PRKCA: variants seen among roughly 807,000 people sequenced by gnomAD.
PRKCA encodes protein kinase C alpha type.
In PRKCA, 27 loss-of-function variants were observed where a neutral mutation model predicts 87.0. That is an observed-to-expected ratio of 0.31 (90% CI 0.23 to 0.43). The LOEUF is 0.43. Ranked by LOEUF, PRKCA falls within the 20% of genes least tolerant of loss-of-function variation. The pLI is 1.00. For synonymous variants in PRKCA, 329 were observed against 311.1 expected, an observed-to-expected ratio of 1.06 and a Z score of -0.61; for missense variants, 518 against 852.3, an observed-to-expected ratio of 0.61 and a Z score of 4.88.
chr17:66,737,051 G>A (rs1352849819), intron 10 of PRKCA, among the ~76,000 whole-genome samples: 4 of 152,148 alleles, frequency 2.6e-5, no homozygotes, highest in Non-Finnish European at 5.9e-5. Flanking sequence ...GCTTGCAAGT[G>A]GCCTACAAGA....
Position 66,657,861 on chromosome 17 carries a change from C to CA in PRKCA, c.529+12357dup, listed in dbSNP as rs923068427. Among the ~76,000 whole-genome samples the CA allele has an allele frequency of 2.1e-4, 32 of 151,948 alleles. No homozygotes were observed. The East Asian group carries it at 2.1e-3, about 10-fold the overall frequency. ...AGGATGCTAGTATATATTTGAAAAA[C>CA]AAAAAAATCCCAGCATACTTTACAT... On this transcript the variant is annotated intron_variant, in intron 5 of 16. Coordinates refer to ENST00000413366, the MANE Select transcript of PRKCA (RefSeq NM_002737.3).
At chr17:66,709,088 G>T (rs1330467897) in intron 8 of PRKCA, among the ~76,000 whole-genome samples, 3 of 152,080 alleles carry the variant, frequency 2.0e-5, no homozygotes. Flanking sequence ...GGATTGGTTT[G>T]CCTCTGATCT....
chr17:66,668,756 G>A (rs1266821030), intron 5 of PRKCA, among the ~76,000 whole-genome samples: 1 of 152,100 alleles, frequency 6.6e-6, no homozygotes, highest in Admixed American at 6.6e-5. Flanking sequence ...ATAGATTATT[G>A]GAAGAAAAGA....
intron 2 of PRKCA, among the ~76,000 whole-genome samples, chr17:66,367,604 G>A (rs1908809897): frequency 6.6e-6 from 1 of 152,130 alleles, no homozygotes; most frequent in Non-Finnish European, 1.5e-5. Context: ...TAGTAAATGG[G>A]GTAAAATGGT....
chr17:66,592,717 A>G (rs1969846249), intron 3 of PRKCA, among the ~76,000 whole-genome samples: 1 of 152,238 alleles, frequency 6.6e-6, no homozygotes, highest in African/African-American at 2.4e-5. Flanking sequence ...TGCAGATGCA[A>G]ACTGTGATGC....
At chr17:66,341,088 G>C (rs1472929279) in intron 2 of PRKCA, among the ~76,000 whole-genome samples, 2 of 152,120 alleles carry the variant, frequency 1.3e-5, no homozygotes, top group Non-Finnish European at 2.9e-5. Context: ...CTTTTTGGGA[G>C]TGGATAAGAC....
At chr17:66,781,891 T>TATATATA (rs1568030798) in intron 14 of PRKCA, among the ~76,000 whole-genome samples, 308 of 135,258 alleles carry the variant, frequency 2.3e-3, no homozygotes, top group East Asian at 7.3e-3. Flanking sequence ...ATATATAGTG[T>TATATATA]GTGTGTGTGT....
chr17:66,566,479 GGTTTTTT>G (rs1020007588), intron 3 of PRKCA, among the ~76,000 whole-genome samples: 4 of 74,704 alleles, frequency 5.4e-5, no homozygotes, highest in Admixed American at 1.5e-4. Context: ...GTTGTTTTTT[GGTTTTTT>G]TTTTTTTTTT....
intron 3 of PRKCA, among the ~76,000 whole-genome samples, chr17:66,518,753 T>A (rs978301067): frequency 3.9e-5 from 6 of 152,214 alleles, no homozygotes; most frequent in African/African-American, 1.4e-4. Flanking sequence ...AAATTTTTAG[T>A]CTCCTAAACT....
rs1156836793 is a variant in PRKCA at position 66,562,137 on chromosome 17, TTATATATATAATTAAATTA to T, written c.288+65863_288+65881del. ...ATATAATTAAATATATATAATTAAATTATATATATAATTAAATTATATATATAATTAAATATATATAATT... is the reference window on the plus strand; with the variant it reads ...ATATAATTAAATATATATAATTAAATTATATATAATTAAATATATATAATT... On this transcript the variant is annotated intron_variant, in intron 3 of 16. Transcript: ENST00000413366. Among the ~76,000 whole-genome samples, 6 of 16,980 alleles carry T rather than the reference TTATATATATAATTAAATTA, an allele frequency of 3.5e-4. 1 individual carries two copies. Among genetic ancestry groups the T allele is most frequent in the African/African-American group, 2.5e-3 (3 of 1,218 alleles). The allele number at this position is 16,980 out of a possible 152,430, so 11.1% of individuals were successfully genotyped here.
chr17:66,641,534 G>A, intron 4 of PRKCA, 68 bp downstream of exon 4: 1 of 1,148,132 alleles, frequency 8.7e-7, no homozygotes, highest in South Asian at 1.5e-5. Flanking sequence ...TGCTGAGCAA[G>A]GAAGGCTCAG....
At chr17:66,789,499 A>G (rs771067845) in intron 16 of PRKCA, among the ~76,000 whole-genome samples, 4 of 152,124 alleles carry the variant, frequency 2.6e-5, no homozygotes, top group Admixed American at 1.3e-4. Context: ...TCAGCCACCA[A>G]TTCTAATGTT....
chr17:66,343,197 A>G lies in PRKCA; in HGVS notation c.205+37070A>G, dbSNP rs527830620. ...CCATAGGTTATATGTCATTTTATGC[A>G]TATAAGTTTAAGTAATTTAAGTACC... On this transcript the variant is annotated intron_variant, in intron 2 of 16. Coordinates refer to ENST00000413366, the MANE Select transcript of PRKCA (RefSeq NM_002737.3). Among the ~76,000 whole-genome samples, 9 of 152,098 alleles carry G rather than the reference A, an allele frequency of 5.9e-5. No homozygotes were observed. In the South Asian group the frequency reaches 1.9e-3, roughly 32 times the overall value.
At chr17:66,631,330 T>C (rs1971005944) in intron 3 of PRKCA, among the ~76,000 whole-genome samples, 1 of 152,212 alleles carries the variant, frequency 6.6e-6, no homozygotes, top group Non-Finnish European at 1.5e-5. Context: ...GATAGGTACC[T>C]AGGAAATAAC....
chr17:66,323,625 T>C (rs991308203), intron 2 of PRKCA, among the ~76,000 whole-genome samples: 9 of 152,206 alleles, frequency 5.9e-5, no homozygotes, highest in Non-Finnish European at 1.2e-4. Context: ...TGTATGGGTA[T>C]GTCTGCTGGA....
At chr17:66,642,153 G>A (rs1171437414) in intron 4 of PRKCA, among the ~76,000 whole-genome samples, 4 of 150,794 alleles carry the variant, frequency 2.7e-5, no homozygotes, top group African/African-American at 9.8e-5. Context: ...TTTTGGAGAC[G>A]GAGTCTCACT....
chr17:66,563,981 T>C (rs1968797642), intron 3 of PRKCA, among the ~76,000 whole-genome samples: 1 of 140,736 alleles, frequency 7.1e-6, no homozygotes, highest in Non-Finnish European at 1.5e-5. Flanking sequence ...CTTCCTTCCT[T>C]CCTTCCTTCC....
chr17:66,361,649 T>C (rs1386399791), intron 2 of PRKCA, among the ~76,000 whole-genome samples: 1 of 152,192 alleles, frequency 6.6e-6, no homozygotes, highest in Non-Finnish European at 1.5e-5. Context: ...GCGTGGACTC[T>C]ACCCAGTCTT....
intron 2 of PRKCA, among the ~76,000 whole-genome samples, chr17:66,349,027 C>T (rs778187197): frequency 6.6e-6 from 1 of 152,178 alleles, no homozygotes; most frequent in Non-Finnish European, 1.5e-5. Flanking sequence ...TTAAGAGCTT[C>T]AGTAATTTCT....
Sources: gnomAD v4.1 joint callset for allele counts (sites outside exome capture counted in the v4.1 genomes callset) on GRCh38, gnomAD v4.1.1 for gene constraint, MANE v1.5 for transcripts, NCBI Gene and HGNC (gene_info 2026-07-23, HGNC 2026-07-21) for gene names.